The following TPPP variants were observed in gnomAD, a reference collection of about 807,000 sequenced individuals.
The protein encoded by TPPP is tubulin polymerization-promoting protein.
Under a neutral mutation model 15.5 loss-of-function variants are expected in TPPP, and 6 were observed. That is an observed-to-expected ratio of 0.39 (90% CI 0.21 to 0.77). The LOEUF (loss-of-function observed/expected upper bound fraction) is 0.77. Ranked by LOEUF, TPPP falls within the 30% of genes least tolerant of loss-of-function variation. The pLI, the probability that TPPP is intolerant of heterozygous loss-of-function variation, is 0.42. For synonymous variants in TPPP, 146 were observed against 133.9 expected (o/e 1.09, Z -0.63); for missense variants, 269 against 307.2 (o/e 0.88, Z 0.93).
At chr5:670,666 T>C (rs752142514) in intron 2 of TPPP, among the ~76,000 whole-genome samples, 8 of 152,108 alleles carry the variant, frequency 5.3e-5, no homozygotes, top group Non-Finnish European at 8.8e-5. Flanking sequence ...TTCTCACTGC[T>C]CCAGGAGGGT....
chr5:669,653 TCGG>T (rs1740126619), intron 2 of TPPP, among the ~76,000 whole-genome samples: 1 of 151,958 alleles, frequency 6.6e-6, no homozygotes, highest in Admixed American at 6.5e-5. Context: ...CATGAGTCAC[TCGG>T]CGGGAGGGGG....
intron 2 of TPPP, among the ~76,000 whole-genome samples, chr5:668,849 A>G (rs957872716): frequency 6.6e-6 from 1 of 152,226 alleles, no homozygotes; most frequent in Non-Finnish European, 1.5e-5. Context: ...CCACCCCTCG[A>G]GAACAAGCCC....
At chr5:698,024 A>T (rs2126921410), upstream of TPPP, among the ~76,000 whole-genome samples, 1 of 146,176 alleles carries the variant, frequency 6.8e-6, no homozygotes, top group African/African-American at 2.5e-5. Flanking sequence ...GCAAATCAAT[A>T]AATGTGACGT....
intron 2 of TPPP, chr5:667,114 G>A (rs891743568): frequency 6.6e-6 from 1 of 152,226 alleles, no homozygotes; most frequent in Admixed American, 6.5e-5. Flanking sequence ...TGAGCAGAGG[G>A]CCTAGAATAG....
chr5:700,661 G>T, the TPPP span, among the ~76,000 whole-genome samples: 1 of 150,670 alleles, frequency 6.6e-6, no homozygotes, highest in African/African-American at 2.5e-5. Flanking sequence ...CCCTGAATAA[G>T]GTTTACCTAG....
At chr5:674,903 T>TG (rs1740349931) in intron 2 of TPPP, among the ~76,000 whole-genome samples, 1 of 150,184 alleles carries the variant, frequency 6.7e-6, no homozygotes, top group African/African-American at 2.5e-5. Context: ...AAGCAAGGCC[T>TG]GTACTGCAGA....
intron 2 of TPPP, among the ~76,000 whole-genome samples, chr5:677,082 C>G (rs963237024): frequency 1.3e-5 from 2 of 152,226 alleles, no homozygotes; most frequent in African/African-American, 4.8e-5. Flanking sequence ...CACGTGCACA[C>G]GACGCAGAAA....
chr5:677,705 C>G lies in TPPP; in HGVS notation c.311+45G>C, dbSNP rs761359027. ...CCACCCAGGGGCTCAGGGCCGCAGA[C>G]CCCCGTAAGTCAGGTCCCTCGGCCC... is the stretch of plus-strand genomic sequence containing the variant. On this transcript the variant is annotated intron_variant, in intron 2 of 3. Transcript: ENST00000360578. 8.0e-6 allele frequency: 12 copies of G among 1,497,490 alleles called. 1 individual carries two copies. Among genetic ancestry groups the G allele is most frequent in the South Asian group, 1.3e-5 (1 of 76,446 alleles). 92.8% of individuals were successfully genotyped at this position (1,497,490 alleles called of 1,614,324 possible).
At chr5:679,257 C>G (rs1409612441) in intron 1 of TPPP, among the ~76,000 whole-genome samples, 3 of 152,172 alleles carry the variant, frequency 2.0e-5, no homozygotes, top group African/African-American at 7.2e-5. Flanking sequence ...AGAAAAAAAT[C>G]CAGGGGCACT....
chr5:670,078 A>G (rs1056372626), intron 2 of TPPP, among the ~76,000 whole-genome samples: 1 of 151,814 alleles, frequency 6.6e-6, no homozygotes, highest in Non-Finnish European at 1.5e-5. Flanking sequence ...CCAGGCTCTG[A>G]GTCCCCTGGC....
Position 677,922 on chromosome 5 carries a change from CAG to C in TPPP, c.137_138del (p.Pro46ArgfsTer49), listed in dbSNP as rs1389335022. On this transcript the variant is annotated frameshift_variant, in exon 2 of 4. Coordinates refer to ENST00000360578, the MANE Select transcript of TPPP (RefSeq NM_007030.3). LOFTEE classifies it high-confidence loss of function. ...AAGGCCTCCTCCAGGGCACTGAGCT[CAG>C]GGGATGCGGCTGCCCCCTCACCAGC... ...EGAGEGAAASPELSALEEAFR... is the reference protein window; with the variant it reads ...EGAGEGAAASXELSALEEAFR... 2 of 1,612,716 alleles carry C rather than the reference CAG, an allele frequency of 1.2e-6. No homozygotes were observed. The highest frequency in any genetic ancestry group is 2.2e-5 in the South Asian group (2 of 91,060).
chr5:674,958 C>T (rs1740352428), intron 2 of TPPP, among the ~76,000 whole-genome samples: 1 of 150,270 alleles, frequency 6.7e-6, no homozygotes, highest in Non-Finnish European at 1.5e-5. Flanking sequence ...GGAGGTGCAG[C>T]CCTGAGAGTC....
At chr5:676,845 A>ACG (rs1561088273) in intron 2 of TPPP, among the ~76,000 whole-genome samples, 9 of 140,096 alleles carry the variant, frequency 6.4e-5, no homozygotes, top group South Asian at 4.3e-4. Context: ...TGCACACACG[A>ACG]CACAGAAACG....
At chr5:666,855 TCTGACCAGATCTACCAC>T (rs1739937362) in intron 2 of TPPP, 1 of 152,228 alleles carries the variant, frequency 6.6e-6, no homozygotes, top group Non-Finnish European at 1.5e-5. Flanking sequence ...ATTTTTCTCC[TCTGACCAGATCTACCAC>T]AACTAACCCA....
intron 2 of TPPP, among the ~76,000 whole-genome samples, chr5:671,418 G>A (rs1580082130): frequency 6.6e-6 from 1 of 152,190 alleles, no homozygotes; most frequent in African/African-American, 2.4e-5. Flanking sequence ...CCCCAGTCTC[G>A]GCCTGGGCAG....
Position 678,168 on chromosome 5 carries a change from G to A in TPPP, c.-4-104C>T, listed in dbSNP as rs541782354. 570 of 1,270,438 alleles carry A rather than the reference G, an allele frequency of 4.5e-4. 6 individuals are homozygous for A. In the African/African-American group the frequency reaches 7.6e-3, roughly 17 times the overall value. The allele number at this position is 1,270,438 out of a possible 1,614,324, so 78.7% of individuals were successfully genotyped here. On this transcript the variant is annotated intron_variant, in intron 1 of 3. Transcript: ENST00000360578. The stretch of plus-strand genomic sequence containing the variant: ...GTACCAATGAGCACCAGGACGTGGC[G>A]AGGGCTGAGATGGGCAGGCCCTCCT...
rs1282326300 is a variant in TPPP, at chr5:677,812, G to A, written c.249C>T (p.Cys83=). ...TCACGTTCCTGCCGTCGATCACCTG[G>A]CAGTCCTTGCACAGCTTCGACCAGT... The part of the protein sequence containing the change: ...GKNWSKLCKD[C]QVIDGRNVTV... The change falls in exon 2 of 4, where the codon TGC becomes TGT. Residue 83 remains cysteine (C), a synonymous_variant. Transcript: ENST00000360578. 1 of 1,605,738 alleles carries A rather than the reference G, an allele frequency of 6.2e-7. No individual in the cohort carries two copies. Among genetic ancestry groups the A allele is most frequent in the Non-Finnish European group, 8.5e-7 (1 of 1,174,972 alleles).
the TPPP span, among the ~76,000 whole-genome samples, chr5:698,713 C>A: frequency 6.6e-6 from 1 of 151,936 alleles, no homozygotes; most frequent in Non-Finnish European, 1.5e-5. Context: ...CCACAACACA[C>A]GGGAATTATG....
At chr5:692,585 C>A (rs1308504822) in intron 1 of TPPP, 1 of 982,918 alleles carries the variant, frequency 1.0e-6, no homozygotes, top group East Asian at 1.1e-4. Context: ...TTTACGTAAC[C>A]GAAACCGCAG....
Sources: allele counts gnomAD v4.1 joint callset (sites outside exome capture counted in the v4.1 genomes callset), GRCh38; gene constraint gnomAD v4.1.1; transcripts MANE v1.5; gene names NCBI Gene and HGNC (gene_info 2026-07-23, HGNC 2026-07-21).